Variants in FAM228A observed in about 807,000 individuals in gnomAD.
FAM228A encodes protein FAM228A.
In FAM228A, 13 loss-of-function variants were observed where a neutral mutation model predicts 18.6. The observed-to-expected ratio is 0.70, with a 90% CI of 0.45 to 1.11. The LOEUF (loss-of-function observed/expected upper bound fraction) is 1.11. Among genes scored for constraint, FAM228A ranks in the 50% least tolerant of loss-of-function variants. FAM228A has a pLI of 0.00. For synonymous variants in FAM228A, 77 were observed against 86.6 expected (o/e 0.89, Z 0.61); for missense variants, 240 against 242.2 (o/e 0.99, Z 0.06).
intron 5 of FAM228A, among the ~76,000 whole-genome samples, chr2:24,189,513 C>T (rs1668032008): frequency 1.3e-5 from 2 of 152,084 alleles, no homozygotes; most frequent in Admixed American, 1.3e-4. Context: ...CCCTTTCCTC[C>T]ATCAGCAAGC....
chr2:24,189,038 A>G (rs1668019766), intron 5 of FAM228A, among the ~76,000 whole-genome samples: 1 of 152,134 alleles, frequency 6.6e-6, no homozygotes, highest in Admixed American at 6.5e-5. Flanking sequence ...AACACCAGTA[A>G]TTACATAGCC....
chr2:24,183,289 C>T lies in FAM228A; in HGVS notation c.167C>T (p.Thr56Ile). 1 of 1,611,320 alleles carries T rather than the reference C, an allele frequency of 6.2e-7. No individual in the cohort carries two copies. The highest frequency in any genetic ancestry group is 1.7e-5 in the Admixed American group (1 of 60,002). ...LFKENSIVKV[T>I]VPPFVDPLFQ... ...AGAGTCTCATTTCTCTTGTAGGTTA[C>T]AGTCCCACCATTTGTTGATCCTCTG... is the stretch of plus-strand genomic sequence containing the variant. Residue 56 changes from threonine to isoleucine, a missense_variant, in exon 4 of 6, where the codon ACA becomes ATA. Transcript: ENST00000295150.
rs201844790 is a variant in FAM228A at position 24,183,561 on chromosome 2, A to G, written c.317A>G (p.Tyr106Cys). The part of the protein sequence containing the change: ...EKARLHASSP[Y>C]FTFTSHCVIP... ...GCCAGGCTGCATGCCAGCTCGCCCT[A>G]CTTCACTTTCACTTCACACTGTGTG... Residue 106 changes from tyrosine to cysteine, a missense_variant, in exon 5 of 6, where the codon TAC (tyrosine) becomes TGC (cysteine). Tyr to Cys is a radical substitution (Grantham distance 194, BLOSUM62 -2). Coordinates refer to ENST00000295150, the MANE Select transcript of FAM228A (RefSeq NM_001040710.3). The G allele has an allele frequency of 4.8e-4, 768 of 1,614,084 alleles. 3 individuals are homozygous for G. The African/African-American group carries it at 8.8e-3, about 18-fold the overall frequency.
intron 5 of FAM228A, among the ~76,000 whole-genome samples, chr2:24,186,087 A>G (rs747707823): frequency 1.1e-4 from 16 of 152,008 alleles, no homozygotes; most frequent in Non-Finnish European, 2.2e-4. Flanking sequence ...GTGCAGTGGC[A>G]TAATCTTGGC....
rs1417005855 is a variant in FAM228A at position 24,179,075 on chromosome 2, T to C, written c.162+1205T>C. 1.0e-4 allele frequency: 88 copies of C among 867,486 alleles called. 2 individuals are homozygous for C. Among genetic ancestry groups the C allele is most frequent in the Non-Finnish European group, 1.3e-4 (87 of 694,866 alleles). The allele number at this position is 867,486 out of a possible 1,614,324, so 53.7% of individuals were successfully genotyped here. On this transcript the variant is annotated intron_variant, in intron 3 of 5. Coordinates refer to ENST00000295150, the MANE Select transcript of FAM228A (RefSeq NM_001040710.3). ...AATGATAGTAAATGAAACATTTCTT[T>C]ATAATTTATTTTCCTTTTTTGTATC...
At chr2:24,176,438 A>G (rs1667695505) in intron 2 of FAM228A, among the ~76,000 whole-genome samples, 1 of 152,000 alleles carries the variant, frequency 6.6e-6, no homozygotes. Flanking sequence ...GTAACCTCAG[A>G]CTCCTGGGCT....
intron 5 of FAM228A, among the ~76,000 whole-genome samples, chr2:24,185,218 C>T (rs193195914): frequency 1.4e-4 from 22 of 152,252 alleles, no homozygotes; most frequent in Admixed American, 5.2e-4. Flanking sequence ...AATTTTTTCC[C>T]TTTAATGATA....
Position 24,177,783 on chromosome 2 carries a change from T to C in FAM228A, c.94-19T>C, listed in dbSNP as rs1159785351. The C allele has an allele frequency of 1.4e-6, 2 of 1,409,894 alleles. No individual in the cohort carries two copies. Among genetic ancestry groups the C allele is most frequent in the Non-Finnish European group, 2.0e-6 (2 of 998,974 alleles). 87.3% of individuals were successfully genotyped at this position (1,409,894 alleles called of 1,614,324 possible). ...TTTCTTCAGGATTCACATCTTAATATTCAATTCTGTAATTTTAGGTATTAG... is the reference window on the plus strand; with the variant it reads ...TTTCTTCAGGATTCACATCTTAATACTCAATTCTGTAATTTTAGGTATTAG... On this transcript the variant is annotated intron_variant, in intron 2 of 5. Coordinates refer to ENST00000295150, the MANE Select transcript of FAM228A (RefSeq NM_001040710.3).
intron 3 of FAM228A, chr2:24,179,259 G>T: frequency 3.6e-6 from 1 of 278,008 alleles, no homozygotes; most frequent in Non-Finnish European, 4.4e-6. Context: ...AAAATGAAAC[G>T]AGAATGTTGA....
chr2:24,188,546 G>T, intron 5 of FAM228A: 1 of 985,342 alleles, frequency 1.0e-6, no homozygotes, highest in Non-Finnish European at 1.2e-6. Context: ...TGAGAACAAG[G>T]TTAAATACCC....
chr2:24,177,947 TTA>T, intron 3 of FAM228A, 77 bp downstream of exon 3: 5 of 898,554 alleles, frequency 5.6e-6, no homozygotes, highest in Non-Finnish European at 8.7e-6. Flanking sequence ...GGCCAAGAGT[TTA>T]TGTCACCGTG....
rs1668067058 is a variant in FAM228A, at chr2:24,190,834, C to G, written c.*203C>G. 4.0e-6 allele frequency: 5 copies of G among 1,262,834 alleles called. No homozygotes were observed. Among genetic ancestry groups the G allele is most frequent in the South Asian group, 3.2e-5 (1 of 31,610 alleles). The allele number at this position is 1,262,834 out of a possible 1,614,324, so 78.2% of individuals were successfully genotyped here. A position where few individuals can be genotyped will look rare whatever the true frequency, so the allele number is the denominator to read the frequency against. On this transcript the variant is annotated 3_prime_UTR_variant, in exon 6 of 6. Transcript: ENST00000295150. ...AAATGTGGGACCTGGACCCCACTTTCCGGAGACATCCTGTCCTTCCGAGGT... is the reference window on the plus strand; with the variant it reads ...AAATGTGGGACCTGGACCCCACTTTGCGGAGACATCCTGTCCTTCCGAGGT...
rs115897040 is a variant in FAM228A at position 24,190,942 on chromosome 2, C to T, written c.*311C>T. ...CGGGCCTTTGCCCTTCTGCCACTTT[C>T]CTACCATTTTCCACTTACTCCATCC... is the stretch of plus-strand genomic sequence containing the variant. On this transcript the variant is annotated 3_prime_UTR_variant, in exon 6 of 6. Transcript: ENST00000295150. 1.6e-3 allele frequency: 1,689 copies of T among 1,086,580 alleles called. 18 individuals carry two copies. In the African/African-American group the frequency reaches 0.026, roughly 17 times the overall value. The allele number at this position is 1,086,580 out of a possible 1,614,324, so 67.3% of individuals were successfully genotyped here.
chr2:24,185,806 T>TGGATAAGAAAGTA (rs1323837348), intron 5 of FAM228A, among the ~76,000 whole-genome samples: 2 of 152,228 alleles, frequency 1.3e-5, no homozygotes, highest in Non-Finnish European at 2.9e-5. Flanking sequence ...GTAAGTACTA[T>TGGATAAGAAAGTA]GGATAAGAAA....
chr2:24,182,815 G>A (rs1160415552), intron 3 of FAM228A, among the ~76,000 whole-genome samples: 2 of 152,146 alleles, frequency 1.3e-5, no homozygotes, highest in Non-Finnish European at 2.9e-5. Flanking sequence ...CTGATGCAAT[G>A]ACACAGTAGA....
intron 5 of FAM228A, among the ~76,000 whole-genome samples, chr2:24,184,086 A>G (rs1667884148): frequency 6.6e-6 from 1 of 152,224 alleles, no homozygotes; most frequent in South Asian, 2.1e-4. Context: ...CTTTATTAAG[A>G]TATAGTTTAC....
chr2:24,187,544 G>C (rs1432358263), intron 5 of FAM228A, among the ~76,000 whole-genome samples: 3 of 152,176 alleles, frequency 2.0e-5, no homozygotes, highest in African/African-American at 7.2e-5. Context: ...GTGTCACACA[G>C]AATAGTTTCA....
intron 5 of FAM228A, among the ~76,000 whole-genome samples, chr2:24,189,305 A>C (rs976336222): frequency 6.6e-6 from 1 of 152,228 alleles, no homozygotes; most frequent in African/African-American, 2.4e-5. Flanking sequence ...TTCCGGCCTC[A>C]TCACAGAAGT....
chr2:24,177,992 G>T, intron 3 of FAM228A, 122 bp downstream of exon 3: 2 of 618,020 alleles, frequency 3.2e-6, no homozygotes, highest in Non-Finnish European at 5.6e-6. Flanking sequence ...GAGTAATGAG[G>T]ATCCTCTAAT....
Sources: gnomAD v4.1 joint callset for allele counts (sites outside exome capture counted in the v4.1 genomes callset) on GRCh38, gnomAD v4.1.1 for gene constraint, MANE v1.5 for transcripts, NCBI Gene and HGNC (gene_info 2026-07-23, HGNC 2026-07-21) for gene names.